NXPE3: variants seen among roughly 807,000 people sequenced by gnomAD.
NXPE3 encodes neurexophilin and PC-esterase domain family member 3.
A neutral mutation model predicts 46.1 loss-of-function variants in NXPE3; 26 were observed. The observed-to-expected ratio is 0.56, with a 90% confidence interval of 0.41 to 0.78. The LOEUF (loss-of-function observed/expected upper bound fraction) is 0.78. Among genes scored for constraint, NXPE3 ranks in the 30% least tolerant of loss-of-function variants. The pLI is 0.00. For missense variants in NXPE3, 620 were observed against 686.0 expected (o/e 0.90, Z 1.07); for synonymous variants, 272 against 257.9 (o/e 1.05, Z -0.52).
At chr3:101,815,973 C>T (rs1292074046) in intron 6 of NXPE3, among the ~76,000 whole-genome samples, 5 of 142,388 alleles carry the variant, frequency 3.5e-5, no homozygotes, top group South Asian at 2.2e-4. Context: ...TCCAGCCTGG[C>T]GACAGAGCGA....
rs199652653 is a variant in NXPE3 at position 101,785,624 on chromosome 3, C to T, written c.28C>T (p.Leu10Phe). The T allele has an allele frequency of 4.5e-5, 72 of 1,613,948 alleles. No individual in the cohort carries two copies. The Middle Eastern group carries it at 6.6e-4, about 15-fold the overall frequency. ...GTGGACCAATTTCTTCAAACTACGG[C>T]TTTTCTGCTGTCTGCTTGCAGTGTT... MWTNFFKLR[L>F]FCCLLAVLMV... Residue 10 changes from leucine (L) to phenylalanine (F), a missense_variant, in exon 4 of 8, where the codon CTT becomes TTT. Physicochemically the swap from Leu to Phe is conservative, Grantham distance 22 (BLOSUM62 0). This residue lies in a region of NXPE3 where 511 missense variants were observed against 528.6 expected (regional missense o/e 0.97). Transcript: ENST00000273347.
rs1942242818 is a variant in NXPE3 at position 101,821,446 on chromosome 3, C to T, written c.1172C>T (p.Pro391Leu). The T allele has an allele frequency of 6.2e-7, 1 of 1,614,124 alleles. No homozygotes were observed. Among genetic ancestry groups the T allele is most frequent in the Non-Finnish European group, 8.5e-7 (1 of 1,180,026 alleles). Reference sequence around the variant, plus strand: ...TTGGGTAGTCCCAAGAATGTGGGTCCCTTCCTTGCAGTGGACCAGAAGCAC... The same window carrying T: ...TTGGGTAGTCCCAAGAATGTGGGTCTCTTCCTTGCAGTGGACCAGAAGCAC... ...FNLGSPKNVGPFLAVDQKHNI... is the reference protein window; with the variant it reads ...FNLGSPKNVGLFLAVDQKHNI... The change falls in exon 8 of 8, where the codon CCC becomes CTC. Residue 391 changes from proline to leucine, a missense_variant. Pro to Leu is a moderately conservative substitution (Grantham distance 98). Coordinates refer to ENST00000273347, the MANE Select transcript of NXPE3 (RefSeq NM_145037.4).
chr3:101,789,825 G>A (rs1940400735), intron 4 of NXPE3, among the ~76,000 whole-genome samples: 1 of 151,860 alleles, frequency 6.6e-6, no homozygotes, highest in African/African-American at 2.4e-5. Context: ...CAAGTAACTG[G>A]GACTACAGGT....
intron 5 of NXPE3, among the ~76,000 whole-genome samples, chr3:101,803,910 A>G (rs1941286942): frequency 6.6e-6 from 1 of 152,214 alleles, no homozygotes; most frequent in African/African-American, 2.4e-5. Context: ...GTGAGCCACC[A>G]TACCCCGTTA....
chr3:101,817,148 T>A (rs750394036), intron 7 of NXPE3, 147 bp downstream of exon 7: 22 of 701,188 alleles, frequency 3.1e-5, no homozygotes, highest in Non-Finnish European at 5.3e-5. Flanking sequence ...CCTGGAGAGA[T>A]GTGTGACAGT....
Position 101,821,463 on chromosome 3 carries a change from CA to C in NXPE3, c.1190del (p.Gln397ArgfsTer33). On this transcript the variant is annotated frameshift_variant, in exon 8 of 8. Coordinates refer to ENST00000273347, the MANE Select transcript of NXPE3 (RefSeq NM_145037.4). LOFTEE classifies it high-confidence loss of function. ...TGTGGGTCCCTTCCTTGCAGTGGAC[CA>C]GAAGCACAACATCCTGCTCAAATAC... Reference protein sequence around the residue: ...KNVGPFLAVDQKHNILLKYRC... With the variant: ...KNVGPFLAVDXKHNILLKYRC... 1 of 1,614,094 alleles carries C rather than the reference CA, an allele frequency of 6.2e-7. No individual in the cohort carries two copies.
chr3:101,792,456 G>C (rs1215771928), intron 4 of NXPE3, among the ~76,000 whole-genome samples: 1 of 152,078 alleles, frequency 6.6e-6, no homozygotes, highest in African/African-American at 2.4e-5. Context: ...GTAAGGAAGG[G>C]GTCCAGTTTC....
In NXPE3 at chr3:101,824,931, T is replaced by A. The variant is rs1172305790; in HGVS notation, c.*2977T>A. ...GTCTGGTTTTCTGTTATTTTTTGAT[T>A]TGGTGACATAGCTCTCAAAGATTTG... On this transcript the variant is annotated 3_prime_UTR_variant, in exon 8 of 8. Transcript: ENST00000273347. 1 of 152,192 alleles carries A rather than the reference T, an allele frequency of 6.6e-6. No homozygotes were observed. Among genetic ancestry groups the A allele is most frequent in the African/African-American group, 2.4e-5 (1 of 41,432 alleles). The allele number at this position is 152,192 out of a possible 1,614,324, so 9.4% of individuals were successfully genotyped here.
At chr3:101,799,018 C>G (rs1940996874) in intron 4 of NXPE3, among the ~76,000 whole-genome samples, 1 of 152,112 alleles carries the variant, frequency 6.6e-6, no homozygotes, top group African/African-American at 2.4e-5. Flanking sequence ...TCACTACAAC[C>G]TGGAGCTCCT....
intron 5 of NXPE3, among the ~76,000 whole-genome samples, chr3:101,802,758 A>G (rs1337007815): frequency 6.6e-6 from 1 of 151,978 alleles, no homozygotes; most frequent in Non-Finnish European, 1.5e-5. Context: ...TTTCAGCATG[A>G]TGAGAAATAC....
At chr3:101,786,606 C>A (rs1043614754) in intron 4 of NXPE3, among the ~76,000 whole-genome samples, 1 of 152,294 alleles carries the variant, frequency 6.6e-6, no homozygotes, top group Non-Finnish European at 1.5e-5. Flanking sequence ...TAGAAATAGG[C>A]TTAAGGCATA....
intron 4 of NXPE3, among the ~76,000 whole-genome samples, chr3:101,788,561 A>T (rs1478221191): frequency 6.6e-6 from 1 of 152,170 alleles, no homozygotes; most frequent in African/African-American, 2.4e-5. Flanking sequence ...AAAAATTGTG[A>T]TGAAAACACA....
At chr3:101,819,329 G>C (rs942503178) in intron 7 of NXPE3, among the ~76,000 whole-genome samples, 3 of 152,142 alleles carry the variant, frequency 2.0e-5, no homozygotes, top group Non-Finnish European at 4.4e-5. Context: ...GAGTTTTTTA[G>C]GAATAACAAG....
At chr3:101,789,083 TG>T (rs750129279) in intron 4 of NXPE3, among the ~76,000 whole-genome samples, 7 of 152,302 alleles carry the variant, frequency 4.6e-5, no homozygotes, top group Non-Finnish European at 1.0e-4. Context: ...TTTCATTTTC[TG>T]TATTTTTTCT....
Position 101,822,174 on chromosome 3 carries a change from CT to C in NXPE3, c.*221del. On this transcript the variant is annotated 3_prime_UTR_variant, in exon 8 of 8. Transcript: ENST00000273347. ...CAATGTTGACTTAGCCATGGTAGAACTCTTAACTGCATCTACACACTATATT... is the reference window on the plus strand; with the variant it reads ...CAATGTTGACTTAGCCATGGTAGAACCTTAACTGCATCTACACACTATATT... 1.8e-6 allele frequency: 1 copy of C among 541,338 alleles called. No homozygotes were observed. The highest frequency in any genetic ancestry group is 2.6e-5 in the South Asian group (1 of 38,132). The allele number at this position is 541,338 out of a possible 1,614,324, so 33.5% of individuals were successfully genotyped here.
At chr3:101,811,987 G>C (rs140941240) in intron 6 of NXPE3, among the ~76,000 whole-genome samples, 77 of 152,158 alleles carry the variant, frequency 5.1e-4, no homozygotes, top group African/African-American at 1.6e-3. Flanking sequence ...GCCTGCCTTG[G>C]CTTCCTAAAG....
chr3:101,807,196 T>C, intron 6 of NXPE3, 70 bp downstream of exon 6: 1 of 1,157,938 alleles, frequency 8.6e-7, no homozygotes, highest in Non-Finnish European at 1.3e-6. Flanking sequence ...TGTCGTTTCA[T>C]TTATGTTGCA....
intron 4 of NXPE3, among the ~76,000 whole-genome samples, chr3:101,798,025 G>GT (rs1203756730): frequency 4.0e-5 from 5 of 123,928 alleles, no homozygotes; most frequent in Non-Finnish European, 6.7e-5. Context: ...GGTTGAACTA[G>GT]TTTACAGTCC....
At chr3:101,807,413 A>G (rs1941468416) in intron 6 of NXPE3, among the ~76,000 whole-genome samples, 1 of 151,960 alleles carries the variant, frequency 6.6e-6, no homozygotes, top group Non-Finnish European at 1.5e-5. Context: ...TTGATCTCCT[A>G]GGCTCAATTG....
Sources: allele counts gnomAD v4.1 joint callset (sites outside exome capture counted in the v4.1 genomes callset), GRCh38; gene constraint gnomAD v4.1.1; regional missense constraint gnomAD v4.1.1; transcripts MANE v1.5; gene names NCBI Gene and HGNC (gene_info 2026-07-23, HGNC 2026-07-21).